The following ATXN8OS variants were observed in gnomAD, a reference collection of about 807,000 sequenced individuals.
The protein encoded by ATXN8OS is ATXN8 opposite strand lncRNA.
chr13:70,167,881 G>A (rs755571149), intron 4 of ATXN8OS, among the ~76,000 whole-genome samples: 8 of 151,730 alleles, frequency 5.3e-5, no homozygotes, highest in Non-Finnish European at 8.8e-5. Flanking sequence ...GACTACAGGC[G>A]TGTGCCGCCA....
intron 2 of ATXN8OS, among the ~76,000 whole-genome samples, chr13:70,120,521 A>G (rs151137135): frequency 4.6e-5 from 7 of 152,288 alleles, no homozygotes; most frequent in Non-Finnish European, 8.8e-5. Context: ...TTTACTGAAC[A>G]CTTGCTTTAG....
chr13:70,114,421 CAG>C (rs1266005342), intron 1 of ATXN8OS, among the ~76,000 whole-genome samples: 5 of 152,046 alleles, frequency 3.3e-5, no homozygotes, highest in African/African-American at 9.7e-5. Context: ...AATATTAAAA[CAG>C]ATAAATCTGT....
intron 3 of ATXN8OS, among the ~76,000 whole-genome samples, chr13:70,143,264 C>T (rs1252254680): frequency 2.0e-5 from 3 of 152,054 alleles, no homozygotes; most frequent in Non-Finnish European, 4.4e-5. Flanking sequence ...TAAATTTCCT[C>T]AAGTGAATTT....
intron 4 of ATXN8OS, among the ~76,000 whole-genome samples, chr13:70,169,328 G>T (rs904665506): frequency 6.6e-6 from 1 of 152,046 alleles, no homozygotes; most frequent in Admixed American, 6.6e-5. Flanking sequence ...ACTGAGTCTT[G>T]CCATGTCACC....
intron 2 of ATXN8OS, among the ~76,000 whole-genome samples, chr13:70,122,848 A>G (rs1186472733): frequency 6.6e-6 from 1 of 151,998 alleles, no homozygotes; most frequent in Non-Finnish European, 1.5e-5. Context: ...TCTGAAAATG[A>G]TACAGATAGA....
intron 3 of ATXN8OS, among the ~76,000 whole-genome samples, chr13:70,141,513 A>C (rs1888715003): frequency 6.6e-6 from 1 of 152,208 alleles, no homozygotes; most frequent in Non-Finnish European, 1.5e-5. Context: ...GAATACAAAG[A>C]GGATATAGTA....
intron 4 of ATXN8OS, among the ~76,000 whole-genome samples, chr13:70,154,540 G>A (rs770222128): frequency 3.3e-5 from 5 of 151,992 alleles, no homozygotes; most frequent in African/African-American, 4.8e-5. Flanking sequence ...GTACTGAGGC[G>A]GGAAATTAAA....
chr13:70,145,573 T>G (rs1888771912), intron 3 of ATXN8OS, among the ~76,000 whole-genome samples: 1 of 152,074 alleles, frequency 6.6e-6, no homozygotes, highest in Non-Finnish European at 1.5e-5. Flanking sequence ...TCACATCCCT[T>G]GTAAGTTGGA....
chr13:70,150,970 C>A (rs1270757005), intron 4 of ATXN8OS, among the ~76,000 whole-genome samples: 1 of 152,056 alleles, frequency 6.6e-6, no homozygotes, highest in Non-Finnish European at 1.5e-5. Context: ...TTTTAAAAAA[C>A]AGCTTTATCA....
intron 3 of ATXN8OS, among the ~76,000 whole-genome samples, chr13:70,135,264 G>A (rs182900511): frequency 2.0e-5 from 3 of 152,166 alleles, no homozygotes; most frequent in East Asian, 3.9e-4. Context: ...TATGTGACAC[G>A]TCAGATCTTT....
intron 1 of ATXN8OS, among the ~76,000 whole-genome samples, chr13:70,113,901 C>T (rs1476879820): frequency 1.3e-5 from 2 of 152,044 alleles, no homozygotes; most frequent in Non-Finnish European, 1.5e-5. Flanking sequence ...ATGGATGTAA[C>T]GTAAATTACA....
intron 1 of ATXN8OS, among the ~76,000 whole-genome samples, chr13:70,112,984 G>A (rs1007788228): frequency 4.8e-5 from 7 of 146,308 alleles, no homozygotes; most frequent in East Asian, 2.0e-4. Flanking sequence ...GTGCAGTGGC[G>A]TGATTCCTGC....
intron 2 of ATXN8OS, among the ~76,000 whole-genome samples, chr13:70,124,698 T>TC (rs1195182658): frequency 6.6e-6 from 1 of 152,074 alleles, no homozygotes; most frequent in Non-Finnish European, 1.5e-5. Context: ...TTGTTTTTTT[T>TC]CCCCGGAAAT....
chr13:70,163,947 G>A (rs934463582), intron 4 of ATXN8OS, among the ~76,000 whole-genome samples: 2 of 150,390 alleles, frequency 1.3e-5, no homozygotes, highest in Middle Eastern at 3.4e-3. Flanking sequence ...TCCCCACTTA[G>A]TGGTATTTTA....
At chr13:70,130,168 A>T (rs142265080) in intron 3 of ATXN8OS, among the ~76,000 whole-genome samples, 188 of 152,286 alleles carry the variant, frequency 1.2e-3, no homozygotes, top group African/African-American at 4.2e-3. Flanking sequence ...GAAAGACATA[A>T]TTACACCACA....
chr13:70,122,801 G>T (rs1232538303), intron 2 of ATXN8OS, among the ~76,000 whole-genome samples: 1 of 151,948 alleles, frequency 6.6e-6, no homozygotes, highest in African/African-American at 2.4e-5. Flanking sequence ...ATTTGATCTT[G>T]GTTAAATGAG....
upstream of ATXN8OS, chr13:70,107,488 T>C (rs1179863044): frequency 6.2e-7 from 1 of 1,610,508 alleles, no homozygotes; most frequent in Non-Finnish European, 8.5e-7. Flanking sequence ...GGAGGAAGGC[T>C]TCTTCCAGAA....
intron 2 of ATXN8OS, among the ~76,000 whole-genome samples, chr13:70,126,974 C>T (rs1888447510): frequency 6.6e-6 from 1 of 151,624 alleles, no homozygotes; most frequent in African/African-American, 2.4e-5. Flanking sequence ...TCTATAGATA[C>T]ATATATCAAC....
intron 3 of ATXN8OS, among the ~76,000 whole-genome samples, chr13:70,145,440 G>A (rs1888769316): frequency 1.3e-5 from 2 of 151,852 alleles, no homozygotes; most frequent in Admixed American, 6.6e-5. Context: ...ATTACCTTGG[G>A]CAGTATGGCC....
Sources: allele counts gnomAD v4.1 joint callset (sites outside exome capture counted in the v4.1 genomes callset), GRCh38; gene constraint gnomAD v4.1.1; transcripts MANE v1.5; gene names NCBI Gene and HGNC (gene_info 2026-07-23, HGNC 2026-07-21).